XKR4: variants seen among roughly 807,000 people sequenced by gnomAD.
The protein encoded by XKR4 is XK related 4, also known as XK-related protein 4.
XKR4 carries 12 observed loss-of-function variants against 53.9 expected under a neutral mutation model. The ratio of observed to expected loss-of-function variants is 0.22; its 90% CI spans 0.14 to 0.36. The LOEUF (loss-of-function observed/expected upper bound fraction) is 0.36. XKR4 is among the 10% of genes least tolerant of loss of function. The probability of loss-of-function intolerance (pLI) is 1.00; values close to 1 mark genes in which losing one functional copy is unlikely to be tolerated. For synonymous variants in XKR4, 354 were observed against 362.4 expected, an observed-to-expected ratio of 0.98 and a Z score of 0.26; for missense variants, 799 against 859.5, an observed-to-expected ratio of 0.93 and a Z score of 0.88.
At chr8:55,332,175 A>G (rs755916644) in intron 1 of XKR4, among the ~76,000 whole-genome samples, 9 of 152,074 alleles carry the variant, frequency 5.9e-5, no homozygotes, top group African/African-American at 1.2e-4. Context: ...CAAAACTTTA[A>G]TTTCAATCAC....
At chr8:55,368,150 G>A (rs573448381) in intron 2 of XKR4, among the ~76,000 whole-genome samples, 3 of 151,940 alleles carry the variant, frequency 2.0e-5, no homozygotes, top group African/African-American at 7.2e-5. Context: ...TAGTAAAGAC[G>A]GTGTTTCACC....
At chr8:55,318,977 A>G (rs923854745) in intron 1 of XKR4, among the ~76,000 whole-genome samples, 1 of 152,236 alleles carries the variant, frequency 6.6e-6, no homozygotes, top group African/African-American at 2.4e-5. Flanking sequence ...GTTCTAGTAC[A>G]GTACCTATTG....
chr8:55,416,799 A>G (rs1382779760), intron 2 of XKR4, among the ~76,000 whole-genome samples: 3 of 152,224 alleles, frequency 2.0e-5, no homozygotes, highest in Non-Finnish European at 2.9e-5. Flanking sequence ...GCGATTCTCT[A>G]TGAATTTAAG....
intron 1 of XKR4, among the ~76,000 whole-genome samples, chr8:55,118,471 C>T (rs1816340283): frequency 1.3e-5 from 2 of 152,170 alleles, no homozygotes; most frequent in South Asian, 2.1e-4. Context: ...GGATTTATAT[C>T]TATGTGACAT....
At chr8:55,327,353 CA>C (rs764388702) in intron 1 of XKR4, among the ~76,000 whole-genome samples, 184 of 135,532 alleles carry the variant, frequency 1.4e-3, no homozygotes, top group Middle Eastern at 3.8e-3. Flanking sequence ...TGAAGAAAGC[CA>C]AAAAAAAAAA....
rs146607789 is a variant in XKR4 at position 55,293,886 on chromosome 8, C to T, written c.807-63792C>T. ...TAAAATACTTAGAAAAAATAACCAT[C>T]CAGTCTTGATTTATTTATATCTGCA... On this transcript the variant is annotated intron_variant, in intron 1 of 2. Transcript: ENST00000327381. Among the ~76,000 whole-genome samples the T allele has an allele frequency of 4.3e-3, 651 of 152,290 alleles. 9 individuals carry two copies. The highest frequency in any genetic ancestry group is 0.015 in the African/African-American group (606 of 41,572).
chr8:55,229,868 CTT>C (rs5891563), intron 1 of XKR4, among the ~76,000 whole-genome samples: 4,958 of 140,286 alleles, frequency 0.035, 172 homozygotes, highest in African/African-American at 0.088. Context: ...AGTTAATTAG[CTT>C]TTTTTTTTTT....
chr8:55,348,416 C>A (rs758335241), intron 1 of XKR4, among the ~76,000 whole-genome samples: 3 of 152,142 alleles, frequency 2.0e-5, no homozygotes, highest in Non-Finnish European at 2.9e-5. Flanking sequence ...CACAGGATAT[C>A]GTCTATGAGA....
intron 1 of XKR4, among the ~76,000 whole-genome samples, chr8:55,318,928 T>C (rs1419892667): frequency 6.6e-6 from 1 of 152,164 alleles, no homozygotes; most frequent in Non-Finnish European, 1.5e-5. Flanking sequence ...CCTAAACAAT[T>C]AATTTCAATA....
intron 1 of XKR4, among the ~76,000 whole-genome samples, chr8:55,273,737 C>A (rs181404788): frequency 4.7e-4 from 71 of 152,318 alleles, no homozygotes; most frequent in Non-Finnish European, 6.9e-4. Flanking sequence ...GGCCTCCCCC[C>A]ACTCGCCAAG....
chr8:55,524,025 C>T lies in XKR4; in HGVS notation c.1751C>T (p.Ser584Leu), dbSNP rs374091686. Residue 584 changes from serine to leucine, a missense_variant, in exon 3 of 3, where the codon TCA becomes TTA. Ser to Leu is a moderately radical substitution (Grantham distance 145, BLOSUM62 -2). Transcript: ENST00000327381. ...AGGCCCACTGCCCCATCCACCCCAT[C>T]ATCTCGCCCACCACGGATTGAAGAA... The part of the protein sequence containing the change: ...QVRPTAPSTP[S>L]SRPPRIEESV... The T allele has an allele frequency of 6.2e-7, 1 of 1,614,198 alleles. No individual in the cohort carries two copies. Among genetic ancestry groups the T allele is most frequent in the South Asian group, 1.1e-5 (1 of 91,084 alleles).
At chr8:55,478,842 A>C (rs529875547) in intron 2 of XKR4, among the ~76,000 whole-genome samples, 4 of 152,274 alleles carry the variant, frequency 2.6e-5, no homozygotes, top group Admixed American at 2.6e-4. Context: ...TTCAACAAGA[A>C]GAGCTAACTA....
intron 1 of XKR4, among the ~76,000 whole-genome samples, chr8:55,318,220 C>T (rs1803141330): frequency 6.6e-6 from 1 of 152,098 alleles, no homozygotes; most frequent in Admixed American, 6.5e-5. Context: ...ATCATTAGCC[C>T]ATATCTTCCA....
intron 2 of XKR4, among the ~76,000 whole-genome samples, chr8:55,393,175 T>C (rs969038189): frequency 8.5e-5 from 13 of 152,102 alleles, no homozygotes; most frequent in African/African-American, 3.1e-4. Flanking sequence ...TGTCTTCGAA[T>C]CATAAAAAGT....
chr8:55,236,240 T>G (rs1179782777), intron 1 of XKR4, among the ~76,000 whole-genome samples: 1 of 152,140 alleles, frequency 6.6e-6, no homozygotes, highest in African/African-American at 2.4e-5. Flanking sequence ...AGTGATGCTT[T>G]GCTGCCTTTT....
At chr8:55,188,380 G>A (rs1010796143) in intron 1 of XKR4, among the ~76,000 whole-genome samples, 5 of 152,084 alleles carry the variant, frequency 3.3e-5, no homozygotes, top group African/African-American at 1.2e-4. Context: ...CTCCTAAAAA[G>A]ACAAAACAAC....
At chr8:55,513,266 G>A (rs1006737174) in intron 2 of XKR4, among the ~76,000 whole-genome samples, 6 of 152,144 alleles carry the variant, frequency 3.9e-5, no homozygotes, top group Admixed American at 3.9e-4. Flanking sequence ...CCCCTAAATA[G>A]GCCAGTAACT....
At chr8:55,457,622 C>T (rs2939643) in intron 2 of XKR4, among the ~76,000 whole-genome samples, 61,326 of 152,082 alleles carry the variant, frequency 0.4, 13,107 homozygotes, top group East Asian at 0.53. Context: ...ATATTCCCAG[C>T]AGCTTAGGCT....
chr8:55,447,937 T>C (rs1404254876), intron 2 of XKR4, among the ~76,000 whole-genome samples: 1 of 152,206 alleles, frequency 6.6e-6, no homozygotes, highest in Non-Finnish European at 1.5e-5. Context: ...GTAAATTGTG[T>C]CTGTCAAATA....
Sources: allele counts gnomAD v4.1 joint callset (sites outside exome capture counted in the v4.1 genomes callset), GRCh38; gene constraint gnomAD v4.1.1; transcripts MANE v1.5; gene names NCBI Gene and HGNC (gene_info 2026-07-23, HGNC 2026-07-21).